Variants in GLIPR1 observed in about 807,000 individuals in gnomAD.
GLIPR1 encodes glioma pathogenesis-related protein 1.
A neutral mutation model predicts 30.3 loss-of-function variants in GLIPR1; 38 were observed. The observed-to-expected ratio is 1.26, with a 90% confidence interval of 0.97 to 1.65. GLIPR1 has a LOEUF of 1.65. GLIPR1 is among the 40% of genes most tolerant of loss of function. GLIPR1 has a pLI of 0.00. For missense variants in GLIPR1, 285 were observed against 326.5 expected, an observed-to-expected ratio of 0.87 and a Z score of 0.98; for synonymous variants, 122 against 110.6, an observed-to-expected ratio of 1.10 and a Z score of -0.65.
Position 75,480,832 on chromosome 12 carries a change from T to C in GLIPR1, c.-49T>C. 6.8e-7 allele frequency: 1 copy of C among 1,481,312 alleles called. No individual in the cohort carries two copies. Among genetic ancestry groups the C allele is most frequent in the South Asian group, 1.3e-5 (1 of 79,898 alleles). 91.8% of individuals were successfully genotyped at this position (1,481,312 alleles called of 1,614,324 possible). A position where few individuals can be genotyped will look rare whatever the true frequency, so the allele number is the denominator to read the frequency against. ...CTCAGGCAATCACACTCTCAGAAAC[T>C]GCGGCGGCTCTGGACTGCAGCCTCC... is the stretch of plus-strand genomic sequence containing the variant. On this transcript the variant is annotated 5_prime_UTR_variant, in exon 1 of 6. Transcript: ENST00000266659.
chr12:75,492,088 C>CA (rs2046327004), intron 3 of GLIPR1: 1 of 140,590 alleles, frequency 7.1e-6, no homozygotes. Context: ...CTTTTCATGA[C>CA]TTTTTTTTTT....
intron 2 of GLIPR1, among the ~76,000 whole-genome samples, chr12:75,488,428 T>C (rs2046303512): frequency 6.6e-6 from 1 of 152,072 alleles, no homozygotes; most frequent in African/African-American, 2.4e-5. Context: ...TTCCAGCTAC[T>C]TGGGAGCCTG....
chr12:75,485,726 A>G (rs1322696100), intron 2 of GLIPR1, among the ~76,000 whole-genome samples: 1 of 151,064 alleles, frequency 6.6e-6, no homozygotes, highest in Non-Finnish European at 1.5e-5. Context: ...AATTTTTTGT[A>G]TTTTTAGTAG....
At position 75,501,652 on chromosome 12, in the gene GLIPR1, G is replaced by GATTC; in HGVS notation, c.*2676_*2679dup. 1 of 1,000,644 alleles carries GATTC rather than the reference G, an allele frequency of 1.0e-6. No homozygotes were observed. The highest frequency in any genetic ancestry group is 2.5e-5 in the East Asian group (1 of 40,114). The allele number at this position is 1,000,644 out of a possible 1,614,324, so 62.0% of individuals were successfully genotyped here. On this transcript the variant is annotated 3_prime_UTR_variant, in exon 6 of 6. Transcript: ENST00000266659. ...AAAAGATACAACTGTTTCTTAAAAA[G>GATTC]ATTCAGACAAATTTATTATGGGTTT...
In GLIPR1 at chr12:75,481,963, ACTGGGTCTGTGCCCATTTTTT is replaced by A. The variant is rs2046273222; in HGVS notation, c.308_328del (p.Gly103_Ser109del). 3.1e-6 allele frequency: 5 copies of A among 1,614,086 alleles called. No individual in the cohort carries two copies. Among genetic ancestry groups the A allele is most frequent in the Non-Finnish European group, 4.2e-6 (5 of 1,180,022 alleles). ...CACTTCACTGGGAGAGAACATCTGG[ACTGGGTCTGTGCCCATTTTTT>A]CTGTGTCTTCCGCCATCACAAACTG... is the stretch of plus-strand genomic sequence containing the variant. On this transcript the variant is annotated inframe_deletion, in exon 2 of 6. Transcript: ENST00000266659.
In GLIPR1 at chr12:75,495,566, C is replaced by T. The variant is rs1420003709; in HGVS notation, c.534-11C>T. ...AAAACTTCTAATGGACATCCTTCTT[C>T]TGCTTTACAGAGGGAATTACCCAAC... On this transcript the variant is annotated splice_polypyrimidine_tract_variant and intron_variant, in intron 3 of 5. Coordinates refer to ENST00000266659, the MANE Select transcript of GLIPR1 (RefSeq NM_006851.3). The T allele has an allele frequency of 1.5e-5, 23 of 1,531,742 alleles. 1 individual carries two copies. The highest frequency in any genetic ancestry group is 2.0e-5 in the Non-Finnish European group (22 of 1,105,962). 94.9% of individuals were successfully genotyped at this position (1,531,742 alleles called of 1,614,324 possible).
rs1025488344 is a variant in GLIPR1 at position 75,503,740 on chromosome 12, A to T, written c.*4762A>T. 2 of 576,508 alleles carry T rather than the reference A, an allele frequency of 3.5e-6. No homozygotes were observed. Among genetic ancestry groups the T allele is most frequent in the African/African-American group, 3.8e-5 (2 of 52,828 alleles). 35.7% of individuals were successfully genotyped at this position (576,508 alleles called of 1,614,324 possible). On this transcript the variant is annotated 3_prime_UTR_variant, in exon 6 of 6. Coordinates refer to ENST00000266659, the MANE Select transcript of GLIPR1 (RefSeq NM_006851.3). ...TGCACACCCCCATGCACTCAGCTCA[A>T]AATATGCCTATTTATATTTACCCTC...
In GLIPR1 at chr12:75,499,715, C is replaced by A; in HGVS notation, c.*737C>A. On this transcript the variant is annotated 3_prime_UTR_variant, in exon 6 of 6. Coordinates refer to ENST00000266659, the MANE Select transcript of GLIPR1 (RefSeq NM_006851.3). Reference sequence around the variant, plus strand: ...ACCACCACCAAAAAAAAAAAAAGCCCTCAGAAAATTTCTCACAAATAAGGC... The same window carrying A: ...ACCACCACCAAAAAAAAAAAAAGCCATCAGAAAATTTCTCACAAATAAGGC... 1 of 861,750 alleles carries A rather than the reference C, an allele frequency of 1.2e-6. No individual in the cohort carries two copies. Among genetic ancestry groups the A allele is most frequent in the Non-Finnish European group, 1.7e-6 (1 of 590,864 alleles). 53.4% of individuals were successfully genotyped at this position (861,750 alleles called of 1,614,324 possible).
chr12:75,482,087 T>G lies in GLIPR1; in HGVS notation c.420+8T>G. 6.2e-7 allele frequency: 1 copy of G among 1,612,344 alleles called. No homozygotes were observed. The highest frequency in any genetic ancestry group is 8.5e-7 in the Non-Finnish European group (1 of 1,178,464). ...TGTGGCCACTACACTCAGGTAAGGA[T>G]CTGCCCTATATTATCTTGAAACTGT... On this transcript the variant is annotated splice_region_variant and intron_variant, in intron 2 of 5. Coordinates refer to ENST00000266659, the MANE Select transcript of GLIPR1 (RefSeq NM_006851.3).
intron 4 of GLIPR1, chr12:75,497,191 A>G (rs1036193799): frequency 1.3e-5 from 2 of 152,288 alleles, no homozygotes; most frequent in Middle Eastern, 3.4e-3. Context: ...GAAACAACCC[A>G]GTGAAAAAAA....
At position 75,503,782 on chromosome 12, in the gene GLIPR1, G is replaced by T; in HGVS notation, c.*4804G>T. 1.2e-6 allele frequency: 1 copy of T among 841,628 alleles called. No individual in the cohort carries two copies. 52.1% of individuals were successfully genotyped at this position (841,628 alleles called of 1,614,324 possible). A position where few individuals can be genotyped will look rare whatever the true frequency, so the allele number is the denominator to read the frequency against. On this transcript the variant is annotated 3_prime_UTR_variant, in exon 6 of 6. Transcript: ENST00000266659. ...TTTACCCTCAGTTTCTTATAGCTCT[G>T]CACACACACACACAATATATATATA...
At chr12:75,491,278 C>G (rs1009407996) in intron 3 of GLIPR1, 2 of 152,112 alleles carry the variant, frequency 1.3e-5, no homozygotes, top group African/African-American at 4.8e-5. Flanking sequence ...CCTATTACTA[C>G]CCCTGTTTGG....
At chr12:75,484,355 A>C (rs2046284231) in intron 2 of GLIPR1, 1 of 152,186 alleles carries the variant, frequency 6.6e-6, no homozygotes, top group Non-Finnish European at 1.5e-5. Flanking sequence ...TATTACCACA[A>C]ATCTATTAAG....
rs2046404095 is a variant in GLIPR1, at chr12:75,502,857, T to C, written c.*3879T>C. The C allele has an allele frequency of 6.6e-6, 1 of 152,054 alleles. No homozygotes were observed. The allele number at this position is 152,054 out of a possible 1,614,324, so 9.4% of individuals were successfully genotyped here. On this transcript the variant is annotated 3_prime_UTR_variant, in exon 6 of 6. Transcript: ENST00000266659. ...TGTTATGGAAGCATGGTTTAATGAC[T>C]GCATCACTCCACTTTCCCCCTAACT...
rs1426300939 is a variant in GLIPR1 at position 75,485,703 on chromosome 12, A to C, written c.420+3624A>C. ...GTAGCTGGGACTACAGGCGCCCGCC[A>C]CTACGCCCGGCTAATTTTTTGTATT... On this transcript the variant is annotated intron_variant, in intron 2 of 5. Coordinates refer to ENST00000266659, the MANE Select transcript of GLIPR1 (RefSeq NM_006851.3). Among the ~76,000 whole-genome samples the C allele has an allele frequency of 4.6e-5, 7 of 151,512 alleles. No homozygotes were observed. In the East Asian group the frequency reaches 1.2e-3, roughly 25 times the overall value.
chr12:75,485,115 G>C (rs761809377), intron 2 of GLIPR1, among the ~76,000 whole-genome samples: 2 of 152,174 alleles, frequency 1.3e-5, no homozygotes, highest in African/African-American at 4.8e-5. Context: ...ACTTTAAGTG[G>C]ATATTACAAC....
At chr12:75,488,925 C>G (rs968209910) in intron 2 of GLIPR1, among the ~76,000 whole-genome samples, 1 of 152,230 alleles carries the variant, frequency 6.6e-6, no homozygotes, top group East Asian at 1.9e-4. Context: ...CTGGTTCTAG[C>G]TCACTCAATT....
At chr12:75,498,778 T>G (rs1317561556) in intron 5 of GLIPR1, 46 bp from the exon 6 acceptor site, 1 of 1,607,706 alleles carries the variant, frequency 6.2e-7, no homozygotes, top group Admixed American at 1.7e-5. Flanking sequence ...TGTCAGTGCA[T>G]TATGAGGAAC....
chr12:75,490,726 G>GA, intron 3 of GLIPR1: 4 of 483,552 alleles, frequency 8.3e-6, no homozygotes, highest in South Asian at 2.4e-5. Context: ...GAGAGAGAGA[G>GA]GGTGTGTGTG....
Sources: allele counts gnomAD v4.1 joint callset (sites outside exome capture counted in the v4.1 genomes callset), GRCh38; gene constraint gnomAD v4.1.1; transcripts MANE v1.5; gene names NCBI Gene and HGNC (gene_info 2026-07-23, HGNC 2026-07-21).